The following SERHL2 variants were observed in gnomAD, a reference collection of about 807,000 sequenced individuals.
The protein encoded by SERHL2 is serine hydrolase like 2.
SERHL2 carries 29 observed loss-of-function variants against 25.5 expected under a neutral mutation model. The observed-to-expected ratio is 1.14, with a 90% confidence interval of 0.85 to 1.55. The LOEUF is 1.55. SERHL2 is among the 40% of genes most tolerant of loss of function. The pLI, the probability that SERHL2 is intolerant of heterozygous loss-of-function variation, is 0.00. For synonymous variants in SERHL2, 95 were observed against 103.5 expected, an observed-to-expected ratio of 0.92 and a Z score of 0.50; for missense variants, 240 against 252.3, an observed-to-expected ratio of 0.95 and a Z score of 0.33.
At chr22:42,562,075 C>T (rs1426588936) in intron 8 of SERHL2, among the ~76,000 whole-genome samples, 2 of 151,730 alleles carry the variant, frequency 1.3e-5, no homozygotes, top group East Asian at 3.9e-4. Flanking sequence ...AACCCTGGGT[C>T]TGGGGGAAGT....
intron 8 of SERHL2, 46 bp from the exon 9 acceptor site, chr22:42,566,258 C>G (rs769217450): frequency 6.3e-7 from 1 of 1,598,332 alleles, no homozygotes; most frequent in South Asian, 1.1e-5. Flanking sequence ...TCCCCTGACC[C>G]TGATGGACAG....
intron 9 of SERHL2, among the ~76,000 whole-genome samples, chr22:42,568,397 G>C (rs950342634): frequency 1.3e-5 from 2 of 151,252 alleles, no homozygotes; most frequent in Non-Finnish European, 2.9e-5. Context: ...TCACTCACTG[G>C]TGGTTTGTCC....
In SERHL2 at chr22:42,572,257, A is replaced by G. The variant is rs570845999; in HGVS notation, c.732-179A>G. On this transcript the variant is annotated intron_variant, in intron 10 of 11. Coordinates refer to ENST00000327678, the MANE Select transcript of SERHL2 (RefSeq NM_014509.5). ...TGTGCCTGGCTTGTGCCAGCTGAGCATGAGCTGAGATTAACTGAGCCTCAA... is the reference window on the plus strand; with the variant it reads ...TGTGCCTGGCTTGTGCCAGCTGAGCGTGAGCTGAGATTAACTGAGCCTCAA... Among the ~76,000 whole-genome samples the G allele has an allele frequency of 3.5e-3, 540 of 152,162 alleles. 2 individuals are homozygous for G. The highest frequency in any genetic ancestry group is 0.012 in the African/African-American group (505 of 41,554).
intron 10 of SERHL2, 92 bp from the exon 11 acceptor site, chr22:42,572,344 C>G: frequency 1.1e-6 from 1 of 905,822 alleles, no homozygotes; most frequent in Non-Finnish European, 1.7e-6. Flanking sequence ...TTTGGTTTCT[C>G]CTCAGAGGCC....
intron 11 of SERHL2, 184 bp from the exon 12 acceptor site, chr22:42,573,752 C>T (rs931139025): frequency 4.3e-6 from 3 of 694,526 alleles, no homozygotes; most frequent in East Asian, 2.6e-5. Flanking sequence ...TAGGGTTAGA[C>T]ACCTCCTGGG....
rs377764791 is a variant in SERHL2, at chr22:42,563,748, A to G, written c.614-2556A>G. ...GCCCAAGGACCAGAGCAGAAGGGCTATTATTTTAAATAGAAAGATTTTATG... is the reference window on the plus strand; with the variant it reads ...GCCCAAGGACCAGAGCAGAAGGGCTGTTATTTTAAATAGAAAGATTTTATG... On this transcript the variant is annotated intron_variant, in intron 8 of 11. Transcript: ENST00000327678. 1.4e-3 allele frequency among the ~76,000 whole-genome samples: 217 copies of G among 152,096 alleles called. 5 individuals carry two copies. In the Middle Eastern group the frequency reaches 0.037, roughly 26 times the overall value.
intron 3 of SERHL2, 29 bp downstream of exon 3, chr22:42,555,374 GTGTGGGGGGTGCTC>G: frequency 5.6e-6 from 1 of 179,132 alleles, no homozygotes; most frequent in Non-Finnish European, 9.9e-6. Context: ...ATTTTCGGCG[GTGTGGGGGGTGCTC>G]TAGGGCACCC....
chr22:42,565,079 C>T (rs1923182258), intron 8 of SERHL2: 1 of 152,028 alleles, frequency 6.6e-6, no homozygotes, highest in Non-Finnish European at 1.5e-5. Context: ...GCTACGTTCT[C>T]CTACAAATGG....
chr22:42,556,873 G>A lies in SERHL2; in HGVS notation c.423+285G>A, dbSNP rs539718511. Among the ~76,000 whole-genome samples the A allele has an allele frequency of 6.6e-4, 63 of 95,148 alleles. 1 individual carries two copies. Among genetic ancestry groups the A allele is most frequent in the Non-Finnish European group, 1.0e-3 (51 of 50,730 alleles). The allele number at this position is 95,148 out of a possible 152,430, so 62.4% of individuals were successfully genotyped here. A position where few individuals can be genotyped will look rare whatever the true frequency, so the allele number is the denominator to read the frequency against. ...CACGCAGTGGCAGGCAGTGGAAGAGGGCAGCGGCCATGGGTGGAAGATGTT... is the reference window on the plus strand; with the variant it reads ...CACGCAGTGGCAGGCAGTGGAAGAGAGCAGCGGCCATGGGTGGAAGATGTT... On this transcript the variant is annotated intron_variant, in intron 6 of 11. Coordinates refer to ENST00000327678, the MANE Select transcript of SERHL2 (RefSeq NM_014509.5).
chr22:42,566,487 C>T (rs1292871652), intron 9 of SERHL2, 149 bp downstream of exon 9: 3 of 712,982 alleles, frequency 4.2e-6, no homozygotes, highest in African/African-American at 1.8e-5. Flanking sequence ...GAATGGGAGG[C>T]AGAGGTTGCA....
chr22:42,570,588 C>G (rs1347233451), intron 9 of SERHL2, among the ~76,000 whole-genome samples: 1 of 152,218 alleles, frequency 6.6e-6, no homozygotes. Context: ...TCCCTGCCAT[C>G]CAGACGTAAA....
rs1329322267 is a variant in SERHL2, at chr22:42,561,447, T to C, written c.613+1182T>C. Among the ~76,000 whole-genome samples the C allele has an allele frequency of 4.4e-5, 5 of 112,646 alleles. No homozygotes were observed. The East Asian group carries it at 1.2e-3, about 27-fold the overall frequency. The allele number at this position is 112,646 out of a possible 152,430, so 73.9% of individuals were successfully genotyped here. A position where few individuals can be genotyped will look rare whatever the true frequency, so the allele number is the denominator to read the frequency against. On this transcript the variant is annotated intron_variant, in intron 8 of 11. Transcript: ENST00000327678. Reference sequence around the variant, plus strand: ...CATGTGCCTTCCCTTTATAAAGTGCTGAGTGAGGCAGGGGGTCAGAAACTC... The same window carrying C: ...CATGTGCCTTCCCTTTATAAAGTGCCGAGTGAGGCAGGGGGTCAGAAACTC...
chr22:42,572,655 G>C (rs1924396068), intron 11 of SERHL2, 126 bp downstream of exon 11: 9 of 1,444,442 alleles, frequency 6.2e-6, no homozygotes, highest in Non-Finnish European at 8.2e-6. Flanking sequence ...TGACCACCAG[G>C]ATCTATCAGG....
At chr22:42,563,182 CTTT>C (rs916641877) in intron 8 of SERHL2, among the ~76,000 whole-genome samples, 3 of 125,708 alleles carry the variant, frequency 2.4e-5, no homozygotes, top group Non-Finnish European at 4.7e-5. Context: ...CTGGCTTTTT[CTTT>C]TTTTCTTTTT....
intron 8 of SERHL2, among the ~76,000 whole-genome samples, chr22:42,561,574 A>C (rs1922686366): frequency 6.6e-6 from 1 of 151,356 alleles, no homozygotes; most frequent in African/African-American, 2.4e-5. Context: ...GAGGCAGCCC[A>C]CCCTGGTAGG....
intron 1 of SERHL2, among the ~76,000 whole-genome samples, chr22:42,554,474 A>G (rs567050617): frequency 1.6e-4 from 24 of 152,148 alleles, no homozygotes; most frequent in Non-Finnish European, 2.9e-5. Context: ...GGAGAGTGAC[A>G]GTGGTCCCAC....
Position 42,571,113 on chromosome 22 carries a change from C to G in SERHL2, c.649-8C>G, listed in dbSNP as rs545648931. On this transcript the variant is annotated splice_region_variant and splice_polypyrimidine_tract_variant and intron_variant, in intron 9 of 11. Transcript: ENST00000327678. ...TGACGAGAATTCACCATGTTTTTGT[C>G]TCTGCAGGCAGAGAACAGCATTGAC... 8.7e-6 allele frequency: 14 copies of G among 1,613,316 alleles called. 1 individual carries two copies. The South Asian group carries it at 1.3e-4, about 15-fold the overall frequency.
rs546050417 is a variant in SERHL2, at chr22:42,574,184, T to C, written c.*129T>C. 8.8e-6 allele frequency: 7 copies of C among 794,376 alleles called. No individual in the cohort carries two copies. In the African/African-American group the frequency reaches 1.0e-4, roughly 12 times the overall value. 49.2% of individuals were successfully genotyped at this position (794,376 alleles called of 1,614,324 possible). On this transcript the variant is annotated 3_prime_UTR_variant, in exon 12 of 12. Coordinates refer to ENST00000327678, the MANE Select transcript of SERHL2 (RefSeq NM_014509.5). The stretch of plus-strand genomic sequence containing the variant: ...ACTAGTCTTGAGGCCCAGCCTAGGA[T>C]GGTAGTCAGGGGAAGGAGCGAGATT...
At chr22:42,573,362 G>A (rs1924519894) in intron 11 of SERHL2, 1 of 151,402 alleles carries the variant, frequency 6.6e-6, no homozygotes, top group Non-Finnish European at 1.5e-5. Flanking sequence ...TCCTGCCTCA[G>A]CCTCCCGAGT....
Sources: allele counts gnomAD v4.1 joint callset (sites outside exome capture counted in the v4.1 genomes callset), GRCh38; gene constraint gnomAD v4.1.1; transcripts MANE v1.5; gene names NCBI Gene and HGNC (gene_info 2026-07-23, HGNC 2026-07-21).